The following TCF4 variants were observed in gnomAD, a reference collection of about 807,000 sequenced individuals.
The protein encoded by TCF4 is transcription factor 4.
Under a neutral mutation model 82.1 loss-of-function variants are expected in TCF4, and 3 were observed. The observed-to-expected ratio is 0.04, with a 90% CI of 0.02 to 0.09. The LOEUF (loss-of-function observed/expected upper bound fraction) is 0.09, where lower values mean the gene tolerates loss of function less well. Ranked by LOEUF, TCF4 falls within the 10% of genes least tolerant of loss-of-function variation. TCF4 has a pLI of 1.00. For synonymous variants in TCF4, 276 were observed against 309.6 expected (o/e 0.89, Z 1.14); for missense variants, 518 against 852.7 (o/e 0.61, Z 4.89).
intron 3 of TCF4, among the ~76,000 whole-genome samples, chr18:55,547,618 T>C (rs1036602692): frequency 3.3e-5 from 5 of 152,316 alleles, no homozygotes; most frequent in Non-Finnish European, 7.3e-5. Context: ...ACTTTCCTAA[T>C]AAAGCCTTGT....
intron 8 of TCF4, among the ~76,000 whole-genome samples, chr18:55,308,713 A>C (rs1025042961): frequency 6.6e-6 from 1 of 152,244 alleles, no homozygotes. Flanking sequence ...TGTGTAACTC[A>C]AGCTCTAAAT....
chr18:55,516,631 G>A (rs184923560), intron 3 of TCF4, among the ~76,000 whole-genome samples: 7 of 152,222 alleles, frequency 4.6e-5, no homozygotes, highest in African/African-American at 9.6e-5. Flanking sequence ...GTGTGGTCAG[G>A]GAAGGCTTTC....
At chr18:55,392,599 C>T (rs897110189) in intron 6 of TCF4, among the ~76,000 whole-genome samples, 2 of 152,056 alleles carry the variant, frequency 1.3e-5, no homozygotes, top group Admixed American at 6.5e-5. Context: ...AGAGTCTTTC[C>T]TCTGACTCTA....
intron 3 of TCF4, among the ~76,000 whole-genome samples, chr18:55,535,224 A>C (rs1371341617): frequency 6.6e-6 from 1 of 152,228 alleles, no homozygotes; most frequent in East Asian, 1.9e-4. Flanking sequence ...TTTTAACTCC[A>C]GTGTGATCTC....
At chr18:55,600,441 G>A (rs750813695) in intron 2 of TCF4, among the ~76,000 whole-genome samples, 2 of 152,098 alleles carry the variant, frequency 1.3e-5, no homozygotes, top group African/African-American at 4.8e-5. Flanking sequence ...CCTCTAAAGG[G>A]CCAGTACTGT....
intron 8 of TCF4, among the ~76,000 whole-genome samples, chr18:55,293,801 C>CT (rs1347386304): frequency 6.6e-6 from 1 of 152,022 alleles, no homozygotes; most frequent in Non-Finnish European, 1.5e-5. Context: ...CTATTCAGCT[C>CT]TTTTTTCCAG....
At chr18:55,282,975 T>C (rs1460336601) in intron 8 of TCF4, among the ~76,000 whole-genome samples, 1 of 152,140 alleles carries the variant, frequency 6.6e-6, no homozygotes, top group Non-Finnish European at 1.5e-5. Context: ...GTCACAGCTC[T>C]TTTAGTAACC....
At chr18:55,448,275 T>A (rs2095560986) in intron 5 of TCF4, among the ~76,000 whole-genome samples, 2 of 152,236 alleles carry the variant, frequency 1.3e-5, no homozygotes, top group South Asian at 4.1e-4. Flanking sequence ...GCGGGAATAT[T>A]CCCTCACAGT....
chr18:55,345,147 T>A (rs1305092848), intron 8 of TCF4, among the ~76,000 whole-genome samples: 1 of 152,124 alleles, frequency 6.6e-6, no homozygotes, highest in African/African-American at 2.4e-5. Context: ...GCCTCTTGTG[T>A]GCTTTCTGAA....
intron 3 of TCF4, among the ~76,000 whole-genome samples, chr18:55,573,554 T>C (rs2097497768): frequency 1.3e-5 from 2 of 152,206 alleles, no homozygotes; most frequent in Admixed American, 1.3e-4. Flanking sequence ...TGTGGCTCAG[T>C]CTTGCGGGAT....
intron 5 of TCF4, among the ~76,000 whole-genome samples, chr18:55,449,730 C>T (rs2095589033): frequency 6.6e-6 from 1 of 152,208 alleles, no homozygotes; most frequent in African/African-American, 2.4e-5. Context: ...TGATCTATCG[C>T]TCTAAAATTA....
intron 8 of TCF4, among the ~76,000 whole-genome samples, chr18:55,282,233 C>T (rs957192979): frequency 5.9e-5 from 9 of 152,018 alleles, no homozygotes; most frequent in African/African-American, 2.2e-4. Flanking sequence ...AGGGAACCAA[C>T]AAATTTTAGT....
chr18:55,415,005 C>T (rs1371832), intron 5 of TCF4, among the ~76,000 whole-genome samples: 3,299 of 152,230 alleles, frequency 0.022, 74 homozygotes, highest in Non-Finnish European at 0.027. Flanking sequence ...CTAGGGATTA[C>T]CTACCACATC....
rs528240745 is a variant in TCF4 at position 55,306,685 on chromosome 18, T to C, written c.550-27029A>G. 2.9e-4 allele frequency among the ~76,000 whole-genome samples: 44 copies of C among 152,346 alleles called. No individual in the cohort carries two copies. In the South Asian group the frequency reaches 8.5e-3, roughly 29 times the overall value. On this transcript the variant is annotated intron_variant, in intron 8 of 19. Transcript: ENST00000354452. Reference sequence around the variant, plus strand: ...CAGGAACTCCGTTTTCAAGGGTATTTGTTACTTTGCTAGTGATGTCACCTT... The same window carrying C: ...CAGGAACTCCGTTTTCAAGGGTATTCGTTACTTTGCTAGTGATGTCACCTT...
At chr18:55,444,974 T>A (rs1173298248) in intron 5 of TCF4, among the ~76,000 whole-genome samples, 1 of 152,182 alleles carries the variant, frequency 6.6e-6, no homozygotes, top group Non-Finnish European at 1.5e-5. Flanking sequence ...CATTTTAATA[T>A]CACTCAAATC....
chr18:55,558,917 G>A (rs189685983), intron 3 of TCF4, among the ~76,000 whole-genome samples: 2 of 152,098 alleles, frequency 1.3e-5, no homozygotes, highest in East Asian at 3.9e-4. Flanking sequence ...GGCAGGAAGA[G>A]AGAGGGCTAA....
At chr18:55,401,590 G>GA (rs903164700) in intron 6 of TCF4, 12,556 of 526,058 alleles carry the variant, frequency 0.024, no homozygotes, top group Non-Finnish European at 0.027. Flanking sequence ...CTTGTGTTTG[G>GA]AAAAAAAAAA....
At chr18:55,373,768 G>A (rs565345346) in intron 6 of TCF4, among the ~76,000 whole-genome samples, 27 of 152,054 alleles carry the variant, frequency 1.8e-4, no homozygotes, top group Middle Eastern at 3.4e-3. Context: ...AGCTGAGATC[G>A]TGCCACTACA....
rs773035999 is a variant in TCF4, at chr18:55,257,287, G to A, written c.1146+28C>T. 1.1e-5 allele frequency: 17 copies of A among 1,604,100 alleles called. No individual in the cohort carries two copies. In the East Asian group the frequency reaches 3.3e-4, roughly 32 times the overall value. ...GAAAGAACATGACCTGAAAATGGGT[G>A]GGACAGAGATTAGCAAATGAGACAT... On this transcript the variant is annotated intron_variant, in intron 14 of 19. Transcript: ENST00000354452.
Sources: allele counts gnomAD v4.1 joint callset (sites outside exome capture counted in the v4.1 genomes callset), GRCh38; gene constraint gnomAD v4.1.1; transcripts MANE v1.5; gene names NCBI Gene and HGNC (gene_info 2026-07-23, HGNC 2026-07-21).